The following GRIK2 variants were observed in gnomAD, a reference collection of about 807,000 sequenced individuals.
GRIK2 encodes glutamate receptor ionotropic, kainate 2.
Under a neutral mutation model 100.3 loss-of-function variants are expected in GRIK2, and 32 were observed. The ratio of observed to expected loss-of-function variants is 0.32; its 90% confidence interval spans 0.24 to 0.43. GRIK2 has a LOEUF of 0.43. GRIK2 is among the 20% of genes least tolerant of loss of function. The pLI is 1.00. For missense variants in GRIK2, 843 were observed against 1,114.9 expected, an observed-to-expected ratio of 0.76 and a Z score of 3.47; for synonymous variants, 417 against 389.4, an observed-to-expected ratio of 1.07 and a Z score of -0.83.
chr6:101,731,472 T>A (rs190702577), intron 7 of GRIK2, among the ~76,000 whole-genome samples: 1 of 152,118 alleles, frequency 6.6e-6, no homozygotes, highest in Non-Finnish European at 1.5e-5. Flanking sequence ...AATAAAAACC[T>A]GGAGAATCAA....
intron 14 of GRIK2, among the ~76,000 whole-genome samples, chr6:101,963,790 C>A (rs887452726): frequency 3.9e-5 from 6 of 152,070 alleles, no homozygotes; most frequent in Non-Finnish European, 7.4e-5. Context: ...GCAAACCCAA[C>A]AATACATCAT....
chr6:101,982,809 C>T (rs1366342068), intron 14 of GRIK2, among the ~76,000 whole-genome samples: 2 of 151,774 alleles, frequency 1.3e-5, no homozygotes, highest in Non-Finnish European at 1.5e-5. Flanking sequence ...GTACCCGTTA[C>T]CTTACAGGAT....
At chr6:101,485,741 TA>T (rs1179908242) in intron 2 of GRIK2, among the ~76,000 whole-genome samples, 1 of 152,150 alleles carries the variant, frequency 6.6e-6, no homozygotes, top group Non-Finnish European at 1.5e-5. Context: ...TTAATATGAA[TA>T]TTTCTTTTAC....
intron 7 of GRIK2, among the ~76,000 whole-genome samples, chr6:101,723,477 A>G (rs916825729): frequency 2.0e-5 from 3 of 152,148 alleles, no homozygotes; most frequent in African/African-American, 4.8e-5. Context: ...GAGTCAGCCA[A>G]TTACTAGAAA....
intron 2 of GRIK2, among the ~76,000 whole-genome samples, chr6:101,496,272 T>C (rs976539253): frequency 6.6e-6 from 1 of 151,814 alleles, no homozygotes; most frequent in Non-Finnish European, 1.5e-5. Context: ...AGAAAAAAAA[T>C]AAAATAACAC....
At chr6:101,993,721 C>A (rs1355518506) in intron 14 of GRIK2, 1 of 149,616 alleles carries the variant, frequency 6.7e-6, no homozygotes, top group Non-Finnish European at 1.5e-5. Flanking sequence ...GATACTATTT[C>A]TTGAAATATA....
At chr6:101,619,439 A>G (rs1028974826) in intron 2 of GRIK2, among the ~76,000 whole-genome samples, 1 of 151,926 alleles carries the variant, frequency 6.6e-6, no homozygotes, top group Non-Finnish European at 1.5e-5. Context: ...TTATTATTTT[A>G]AAGATTGATA....
intron 2 of GRIK2, among the ~76,000 whole-genome samples, chr6:101,521,865 A>C (rs1463725799): frequency 6.6e-6 from 1 of 152,070 alleles, no homozygotes; most frequent in East Asian, 1.9e-4. Flanking sequence ...TATGTATAAA[A>C]TAAGAATGTT....
At chr6:101,755,947 C>T (rs1404426570) in intron 7 of GRIK2, among the ~76,000 whole-genome samples, 1 of 152,150 alleles carries the variant, frequency 6.6e-6, no homozygotes, top group Non-Finnish European at 1.5e-5. Flanking sequence ...AAGACTTTAA[C>T]TCCTGGGGGA....
At chr6:102,061,310 A>C (rs1771739659) in intron 16 of GRIK2, among the ~76,000 whole-genome samples, 1 of 150,600 alleles carries the variant, frequency 6.6e-6, no homozygotes, top group Non-Finnish European at 1.5e-5. Flanking sequence ...TTGAATACAA[A>C]ACTACCCTAA....
intron 6 of GRIK2, 56 bp from the exon 7 acceptor site, chr6:101,686,124 C>G: frequency 2.8e-6 from 4 of 1,428,320 alleles, no homozygotes; most frequent in Non-Finnish European, 3.9e-6. Context: ...TTCAGTAATA[C>G]ATGCCTGTGA....
intron 11 of GRIK2, among the ~76,000 whole-genome samples, chr6:101,861,906 A>G (rs1455244135): frequency 6.6e-6 from 1 of 152,182 alleles, no homozygotes; most frequent in Non-Finnish European, 1.5e-5. Flanking sequence ...AACTTCCCAA[A>G]GAAGTACAGA....
chr6:101,676,662 G>A lies in GRIK2; in HGVS notation c.581G>A (p.Arg194Lys), dbSNP rs1770865294. ...CAAGAGCTCATCAAAGCTCCATCAAGGTATAATCTTCGACTCAAAATTCGT... is the reference window on the plus strand; with the variant it reads ...CAAGAGCTCATCAAAGCTCCATCAAAGTATAATCTTCGACTCAAAATTCGT... ...RLQELIKAPSRYNLRLKIRQL... is the reference protein window; with the variant it reads ...RLQELIKAPSKYNLRLKIRQL... The change falls in exon 5 of 17, where the codon AGG becomes AAG. Residue 194 changes from arginine to lysine, a missense_variant. Transcript: ENST00000369134. 50 of 1,600,502 alleles carry A rather than the reference G, an allele frequency of 3.1e-5. No homozygotes were observed. The highest frequency in any genetic ancestry group is 4.1e-5 in the Non-Finnish European group (48 of 1,172,234).
chr6:101,812,792 T>C (rs1781415233), intron 9 of GRIK2, among the ~76,000 whole-genome samples: 1 of 151,996 alleles, frequency 6.6e-6, no homozygotes, highest in African/African-American at 2.4e-5. Context: ...GTTTTACCTA[T>C]ATTTTGAAAC....
chr6:101,920,330 G>A (rs2128468837), intron 12 of GRIK2, among the ~76,000 whole-genome samples: 1 of 151,986 alleles, frequency 6.6e-6, no homozygotes, highest in South Asian at 2.1e-4. Flanking sequence ...CCTCAGCAAG[G>A]GGCTTCTAAT....
chr6:101,900,792 C>T (rs1359090095), intron 12 of GRIK2, among the ~76,000 whole-genome samples: 1 of 152,086 alleles, frequency 6.6e-6, no homozygotes, highest in African/African-American at 2.4e-5. Flanking sequence ...ATTTTTGTGT[C>T]ATCCAGATAA....
chr6:101,805,112 C>G (rs1335615541), intron 9 of GRIK2, among the ~76,000 whole-genome samples: 2 of 151,782 alleles, frequency 1.3e-5, no homozygotes, highest in East Asian at 3.9e-4. Flanking sequence ...GTGTTATTGA[C>G]TTGACTTTTT....
At chr6:102,011,732 C>T (rs1341484616) in intron 14 of GRIK2, among the ~76,000 whole-genome samples, 2 of 151,724 alleles carry the variant, frequency 1.3e-5, no homozygotes, top group South Asian at 2.1e-4. Context: ...CTGCAGGCAC[C>T]TGCCACCACG....
chr6:101,996,802 A>G (rs1562097862), intron 14 of GRIK2, among the ~76,000 whole-genome samples: 1 of 152,064 alleles, frequency 6.6e-6, no homozygotes. Flanking sequence ...TGGGTTTGTT[A>G]TATTGAATCA....
Sources: gnomAD v4.1 joint callset for allele counts (sites outside exome capture counted in the v4.1 genomes callset) on GRCh38, gnomAD v4.1.1 for gene constraint, MANE v1.5 for transcripts, NCBI Gene and HGNC (gene_info 2026-07-23, HGNC 2026-07-21) for gene names.